DACH2: variants seen among roughly 807,000 people sequenced by gnomAD.
DACH2 encodes the protein dachshund homolog 2.
Under a neutral mutation model 35.8 loss-of-function variants are expected in DACH2, and 17 were observed. That is an observed-to-expected ratio of 0.48 (90% confidence interval 0.33 to 0.71). The LOEUF is 0.71. Ranked by LOEUF, DACH2 falls within the 30% of genes least tolerant of loss-of-function variation. The probability of loss-of-function intolerance (pLI) is 0.02; values close to 1 mark genes in which losing one functional copy is unlikely to be tolerated. For synonymous variants in DACH2, 195 were observed against 177.3 expected, an observed-to-expected ratio of 1.10 and a Z score of -0.79; for missense variants, 469 against 472.7, an observed-to-expected ratio of 0.99 and a Z score of 0.07.
intron 2 of DACH2, among the ~76,000 whole-genome samples, chrX:86,437,074 T>C (rs1456617173): frequency 9.0e-6 from 1 of 111,556 alleles, no homozygotes; most frequent in Non-Finnish European, 1.9e-5. Flanking sequence ...ATTGATTGTA[T>C]TACTCTATTC....
intron 7 of DACH2, among the ~76,000 whole-genome samples, chrX:86,793,077 T>A (rs1190430452): frequency 9.0e-6 from 1 of 111,287 alleles, no homozygotes; most frequent in East Asian, 2.8e-4. Context: ...TAAGATGACA[T>A]CTCATTGTGG....
At chrX:86,377,084 T>G (rs1315851216) in intron 2 of DACH2, among the ~76,000 whole-genome samples, 2 of 111,001 alleles carry the variant, frequency 1.8e-5, no homozygotes, top group Non-Finnish European at 3.8e-5. Context: ...GTCCATCCAG[T>G]TGGAGGTTAT....
chrX:86,541,704 C>T (rs1358333842), intron 3 of DACH2, among the ~76,000 whole-genome samples: 5 of 111,538 alleles, frequency 4.5e-5, no homozygotes, highest in Non-Finnish European at 9.4e-5. Flanking sequence ...TTACTAAACA[C>T]ACTATATGCT....
intron 2 of DACH2, chrX:86,481,800 G>A (rs1422985995): frequency 8.9e-6 from 1 of 112,145 alleles, no homozygotes; most frequent in Non-Finnish European, 1.9e-5. Flanking sequence ...ATGGATGACA[G>A]ATAATTATGG....
intron 3 of DACH2, among the ~76,000 whole-genome samples, chrX:86,562,083 C>A (rs1427780423): frequency 4.6e-5 from 5 of 108,833 alleles, no homozygotes; most frequent in African/African-American, 1.7e-4. Context: ...CCCACCAACA[C>A]ATACTTCTTT....
At chrX:86,238,670 A>T (rs1260498422) in intron 1 of DACH2, among the ~76,000 whole-genome samples, 2 of 110,563 alleles carry the variant, frequency 1.8e-5, no homozygotes, top group African/African-American at 6.6e-5. Flanking sequence ...GTTATCTTGG[A>T]TGAAAAAGCA....
chrX:86,540,268 A>G (rs2038862191), intron 3 of DACH2, among the ~76,000 whole-genome samples: 1 of 111,813 alleles, frequency 8.9e-6, no homozygotes, highest in South Asian at 3.7e-4. Flanking sequence ...GAGGAAAATC[A>G]GGAGCAGGCA....
At chrX:86,453,141 T>G (rs190715263) in intron 2 of DACH2, among the ~76,000 whole-genome samples, 8 of 112,106 alleles carry the variant, frequency 7.1e-5, no homozygotes, top group Non-Finnish European at 1.5e-4. Flanking sequence ...GTGAATTCTT[T>G]AATCTTGAGT....
At chrX:86,464,212 C>T (rs929169872) in intron 2 of DACH2, among the ~76,000 whole-genome samples, 1 of 111,552 alleles carries the variant, frequency 9.0e-6, no homozygotes, top group Non-Finnish European at 1.9e-5. Context: ...TATAAAGACA[C>T]ACACACACGT....
At chrX:86,732,825 A>C (rs754035509) in intron 6 of DACH2, among the ~76,000 whole-genome samples, 139 of 111,990 alleles carry the variant, frequency 1.2e-3, no homozygotes, top group Non-Finnish European at 2.4e-3. Context: ...AAAAGCTAGC[A>C]TGAGATATAA....
intron 2 of DACH2, among the ~76,000 whole-genome samples, chrX:86,499,988 G>A (rs987851854): frequency 9.0e-6 from 1 of 111,407 alleles, no homozygotes; most frequent in Admixed American, 9.6e-5. Flanking sequence ...GTGAAGTTGG[G>A]AGTTGATGCA....
intron 1 of DACH2, among the ~76,000 whole-genome samples, chrX:86,178,604 A>G (rs1319423533): frequency 9.0e-6 from 1 of 111,357 alleles, no homozygotes. Context: ...ACCCCTAAAT[A>G]GAAGCCTAGA....
intron 1 of DACH2, among the ~76,000 whole-genome samples, chrX:86,262,641 C>CA (rs34823649): frequency 0.012 from 1,257 of 102,414 alleles, 10 homozygotes; most frequent in East Asian, 0.029. Context: ...TAATCTGCTC[C>CA]AAAAAAAAAA....
intron 2 of DACH2, among the ~76,000 whole-genome samples, chrX:86,392,060 T>A (rs2036212858): frequency 1.8e-5 from 2 of 111,247 alleles, no homozygotes; most frequent in South Asian, 7.5e-4. Context: ...TATTTTTCAT[T>A]TTCTTTATTA....
At chrX:86,182,289 G>A (rs1470919595) in intron 1 of DACH2, among the ~76,000 whole-genome samples, 1 of 111,626 alleles carries the variant, frequency 9.0e-6, no homozygotes, top group Non-Finnish European at 1.9e-5. Flanking sequence ...GTATTGCCTA[G>A]GTTTTCTTAT....
chrX:86,153,322 G>A (rs1395189047), intron 1 of DACH2, among the ~76,000 whole-genome samples: 1 of 110,883 alleles, frequency 9.0e-6, no homozygotes, highest in African/African-American at 3.3e-5. Context: ...CATAAATATG[G>A]TTTTATATTA....
chrX:86,421,168 C>A (rs987065993), intron 2 of DACH2, among the ~76,000 whole-genome samples: 2 of 111,772 alleles, frequency 1.8e-5, no homozygotes, highest in African/African-American at 6.5e-5. Flanking sequence ...AGCTTTATGG[C>A]ACCTCTTTAT....
At chrX:86,710,313 G>C (rs2041264870) in intron 5 of DACH2, among the ~76,000 whole-genome samples, 1 of 111,987 alleles carries the variant, frequency 8.9e-6, no homozygotes, top group African/African-American at 3.2e-5. Flanking sequence ...TCAGGTAAAG[G>C]CAAATCTATA....
chrX:86,810,645 A>G (rs2042386176), intron 7 of DACH2, among the ~76,000 whole-genome samples: 1 of 111,716 alleles, frequency 9.0e-6, no homozygotes, highest in African/African-American at 3.2e-5. Context: ...ACATCAAACA[A>G]TGCAATTGAA....
Sources: gnomAD v4.1 joint callset for allele counts (sites outside exome capture counted in the v4.1 genomes callset) on GRCh38, gnomAD v4.1.1 for gene constraint, MANE v1.5 for transcripts, NCBI Gene and HGNC (gene_info 2026-07-23, HGNC 2026-07-21) for gene names.